KIRREL1: variants seen among roughly 807,000 people sequenced by gnomAD.
The protein encoded by KIRREL1 is kin of IRRE-like protein 1.
A neutral mutation model predicts 83.3 loss-of-function variants in KIRREL1; 25 were observed. The ratio of observed to expected loss-of-function variants is 0.30; its 90% confidence interval spans 0.22 to 0.42. The LOEUF (loss-of-function observed/expected upper bound fraction) is 0.42, where lower values mean the gene tolerates loss of function less well. KIRREL1 is among the 10% of genes least tolerant of loss of function. The pLI is 1.00. For synonymous variants in KIRREL1, 388 were observed against 410.4 expected (o/e 0.95, Z 0.66); for missense variants, 812 against 1,032.3 (o/e 0.79, Z 2.92).
chr1:158,000,925 T>G (rs1282237834), intron 1 of KIRREL1, among the ~76,000 whole-genome samples: 1 of 152,218 alleles, frequency 6.6e-6, no homozygotes, highest in Non-Finnish European at 1.5e-5. Flanking sequence ...TGCTGCCGCT[T>G]CATTCCTTTT....
At chr1:158,015,064 A>C (rs1266053580) in intron 1 of KIRREL1, among the ~76,000 whole-genome samples, 1 of 151,958 alleles carries the variant, frequency 6.6e-6, no homozygotes, top group East Asian at 1.9e-4. Flanking sequence ...ATTTTTTTTT[A>C]TTGCCAAAGT....
intron 11 of KIRREL1, among the ~76,000 whole-genome samples, chr1:158,092,882 G>A (rs1662243753): frequency 6.6e-6 from 1 of 152,222 alleles, no homozygotes; most frequent in African/African-American, 2.4e-5. Context: ...GGAGCCCTGA[G>A]TAGATAGGTG....
At chr1:158,013,315 G>C (rs185005066) in intron 1 of KIRREL1, among the ~76,000 whole-genome samples, 14 of 152,300 alleles carry the variant, frequency 9.2e-5, no homozygotes, top group Admixed American at 3.3e-4. Context: ...GTGGCAAAGA[G>C]AGTCACCTGG....
intron 1 of KIRREL1, among the ~76,000 whole-genome samples, chr1:158,038,472 G>A (rs1327335219): frequency 2.0e-5 from 3 of 147,986 alleles, no homozygotes; most frequent in Non-Finnish European, 4.4e-5. Context: ...TCCTTTTACA[G>A]GTGGCTCTTC....
At chr1:158,005,749 C>G (rs1659499955) in intron 1 of KIRREL1, among the ~76,000 whole-genome samples, 1 of 152,096 alleles carries the variant, frequency 6.6e-6, no homozygotes, top group Non-Finnish European at 1.5e-5. Context: ...CAGTGGGGAA[C>G]TGTCTTCCGG....
intron 1 of KIRREL1, among the ~76,000 whole-genome samples, chr1:158,021,431 T>C (rs1660001685): frequency 6.6e-6 from 1 of 152,210 alleles, no homozygotes. Flanking sequence ...ACCCTCATCT[T>C]AGTTTCATTC....
intron 1 of KIRREL1, among the ~76,000 whole-genome samples, chr1:158,045,608 C>T (rs562724270): frequency 6.6e-6 from 1 of 152,338 alleles, no homozygotes; most frequent in African/African-American, 2.4e-5. Flanking sequence ...CAAGACGTTT[C>T]ACCCACCCTG....
At chr1:158,018,060 A>G (rs1245402902) in intron 1 of KIRREL1, among the ~76,000 whole-genome samples, 1 of 152,134 alleles carries the variant, frequency 6.6e-6, no homozygotes, top group East Asian at 1.9e-4. Flanking sequence ...AAATCTGGAG[A>G]TAGTGAACAC....
intron 1 of KIRREL1, among the ~76,000 whole-genome samples, chr1:158,066,185 C>A (rs1661353165): frequency 6.6e-6 from 1 of 152,102 alleles, no homozygotes; most frequent in South Asian, 2.1e-4. Context: ...GACATGCCAA[C>A]TCCACATCCC....
At chr1:158,030,743 A>G (rs1307204952) in intron 1 of KIRREL1, 1 of 152,230 alleles carries the variant, frequency 6.6e-6, no homozygotes, top group Non-Finnish European at 1.5e-5. Flanking sequence ...AAAACCAGAA[A>G]GAAGTAGTCT....
At chr1:158,034,080 G>T (rs6692314) in intron 1 of KIRREL1, among the ~76,000 whole-genome samples, 15,477 of 151,802 alleles carry the variant, frequency 0.1, 936 homozygotes, top group South Asian at 0.21. Flanking sequence ...GAGACCATCT[G>T]GACTAACACG....
chr1:158,026,098 T>C lies in KIRREL1; in HGVS notation c.52+32370T>C, dbSNP rs112416883. Among the ~76,000 whole-genome samples the C allele has an allele frequency of 2.2e-3, 341 of 152,240 alleles. 1 individual carries two copies. The highest frequency in any genetic ancestry group is 7.8e-3 in the African/African-American group (322 of 41,542). ...ACTCTGGCACTGCCTTCCTCTTGAC[T>C]AAGTCATAAGAAGGCCAAAGGCTGA... On this transcript the variant is annotated intron_variant, in intron 1 of 14. Transcript: ENST00000359209.
intron 1 of KIRREL1, among the ~76,000 whole-genome samples, chr1:158,043,317 T>A (rs981027715): frequency 4.6e-5 from 7 of 152,120 alleles, no homozygotes; most frequent in African/African-American, 7.2e-5. Context: ...CAGCACCTCA[T>A]TCCCCCCTTA....
intron 1 of KIRREL1, among the ~76,000 whole-genome samples, chr1:158,058,373 A>T (rs554664755): frequency 6.6e-6 from 1 of 152,212 alleles, no homozygotes; most frequent in Non-Finnish European, 1.5e-5. Context: ...GTTATTAAAA[A>T]TCCTTCATTA....
At chr1:158,083,073 G>A (rs748255687) in intron 3 of KIRREL1, among the ~76,000 whole-genome samples, 4 of 152,188 alleles carry the variant, frequency 2.6e-5, no homozygotes, top group Non-Finnish European at 5.9e-5. Context: ...AGAAGCAGCC[G>A]CTACCCTCAG....
intron 1 of KIRREL1, among the ~76,000 whole-genome samples, chr1:158,041,228 T>C (rs1370004227): frequency 6.6e-6 from 1 of 152,142 alleles, no homozygotes; most frequent in Non-Finnish European, 1.5e-5. Context: ...GAGGGTCAGC[T>C]AATAAAAGAT....
rs1048482694 is a variant in KIRREL1 at position 158,095,338 on chromosome 1, G to A, written c.*218G>A. On this transcript the variant is annotated 3_prime_UTR_variant, in exon 15 of 15. Transcript: ENST00000359209. ...CTGGGCCTGCCCTTCCCTCTTCTTC[G>A]GGAGGATGTGTCTCTTCTGACCTGC... 7 of 530,976 alleles carry A rather than the reference G, an allele frequency of 1.3e-5. No individual in the cohort carries two copies. Among genetic ancestry groups the A allele is most frequent in the Admixed American group, 3.5e-5 (1 of 28,694 alleles). The allele number at this position is 530,976 out of a possible 1,614,324, so 32.9% of individuals were successfully genotyped here. A position where few individuals can be genotyped will look rare whatever the true frequency, so the allele number is the denominator to read the frequency against.
chr1:158,058,921 C>A (rs1346862555), intron 1 of KIRREL1, among the ~76,000 whole-genome samples: 3 of 152,160 alleles, frequency 2.0e-5, no homozygotes, highest in Admixed American at 2.0e-4. Context: ...GACGCCGCAG[C>A]CGACATGTCC....
intron 1 of KIRREL1, among the ~76,000 whole-genome samples, chr1:158,034,269 C>CAAAAA (rs750353894): frequency 6.8e-4 from 77 of 113,642 alleles, no homozygotes; most frequent in African/African-American, 2.8e-3. Context: ...GACTCCGTCT[C>CAAAAA]AAAAAAAAAA....
Sources: allele counts gnomAD v4.1 joint callset (sites outside exome capture counted in the v4.1 genomes callset), GRCh38; gene constraint gnomAD v4.1.1; transcripts MANE v1.5; gene names NCBI Gene and HGNC (gene_info 2026-07-23, HGNC 2026-07-21).